The following CPNE4 variants were observed in gnomAD, a reference collection of about 807,000 sequenced individuals.
CPNE4 encodes the protein copine 4, also known as copine-4.
In CPNE4, 25 loss-of-function variants were observed where a neutral mutation model predicts 67.9. The ratio of observed to expected loss-of-function variants is 0.37; its 90% CI spans 0.27 to 0.51. CPNE4 has a LOEUF of 0.51. Among genes scored for constraint, CPNE4 ranks in the 20% least tolerant of loss-of-function variants. CPNE4 has a pLI of 0.93. For synonymous variants in CPNE4, 242 were observed against 244.9 expected, an observed-to-expected ratio of 0.99 and a Z score of 0.11; for missense variants, 464 against 690.8, an observed-to-expected ratio of 0.67 and a Z score of 3.68.
At chr3:131,658,119 T>C (rs114753126) in intron 7 of CPNE4, among the ~76,000 whole-genome samples, 54 of 141,634 alleles carry the variant, frequency 3.8e-4, no homozygotes, top group African/African-American at 1.4e-3. Flanking sequence ...TATTTATTTA[T>C]ATTTTATTTA....
At chr3:131,558,349 AG>A (rs2107655469) in intron 11 of CPNE4, among the ~76,000 whole-genome samples, 1 of 152,178 alleles carries the variant, frequency 6.6e-6, no homozygotes, top group South Asian at 2.1e-4. Context: ...TGAACACAAA[AG>A]AAAGCATCTG....
chr3:131,586,195 G>T (rs372216064), intron 8 of CPNE4, among the ~76,000 whole-genome samples: 9 of 152,188 alleles, frequency 5.9e-5, no homozygotes, highest in African/African-American at 9.6e-5. Context: ...AAAGCACTGA[G>T]CCCTCTGCTT....
chr3:131,770,670 C>G (rs1045447836), intron 2 of CPNE4, among the ~76,000 whole-genome samples: 1 of 152,246 alleles, frequency 6.6e-6, no homozygotes, highest in African/African-American at 2.4e-5. Flanking sequence ...GTGCTTATAA[C>G]CACCTGCTTG....
intron 1 of CPNE4, among the ~76,000 whole-genome samples, chr3:132,005,701 C>G (rs1463088795): frequency 6.6e-6 from 1 of 151,854 alleles, no homozygotes; most frequent in Non-Finnish European, 1.5e-5. Flanking sequence ...TCCACACATA[C>G]CCAAGTTTCC....
At chr3:132,004,365 T>C (rs2073533211) in intron 1 of CPNE4, among the ~76,000 whole-genome samples, 1 of 152,048 alleles carries the variant, frequency 6.6e-6, no homozygotes, top group Non-Finnish European at 1.5e-5. Context: ...AATATTTTGG[T>C]GTATTAATTT....
rs1021452422 is a variant in CPNE4 at position 131,828,216 on chromosome 3, GCA to G, written c.180+77046_180+77047del. Among the ~76,000 whole-genome samples, 48 of 152,036 alleles carry G rather than the reference GCA, an allele frequency of 3.2e-4. 1 individual carries two copies. The highest frequency in any genetic ancestry group is 1.1e-3 in the African/African-American group (47 of 41,458). ...GAGTCTAATTTACCTATAATAAAAG[GCA>G]CAGATTTTAAGAGCACAGTTCAATG... On this transcript the variant is annotated intron_variant, in intron 2 of 15. Coordinates refer to ENST00000429747, the MANE Select transcript of CPNE4 (RefSeq NM_130808.3).
At chr3:131,561,893 A>C (rs1055743856) in intron 11 of CPNE4, among the ~76,000 whole-genome samples, 2 of 152,030 alleles carry the variant, frequency 1.3e-5, no homozygotes, top group Non-Finnish European at 2.9e-5. Context: ...CTTGCAATAC[A>C]CATTCTTCTA....
chr3:131,970,473 G>T (rs2072472624), intron 1 of CPNE4, among the ~76,000 whole-genome samples: 1 of 152,104 alleles, frequency 6.6e-6, no homozygotes, highest in Non-Finnish European at 1.5e-5. Context: ...TTAGAAATTG[G>T]TCTAATCCCA....
intron 2 of CPNE4, among the ~76,000 whole-genome samples, chr3:131,891,645 G>T (rs1355083587): frequency 6.6e-6 from 1 of 151,904 alleles, no homozygotes; most frequent in African/African-American, 2.4e-5. Flanking sequence ...TCATTATTTA[G>T]CTCCCACCTG....
At chr3:131,979,856 G>A (rs1175067723) in intron 1 of CPNE4, among the ~76,000 whole-genome samples, 1 of 151,998 alleles carries the variant, frequency 6.6e-6, no homozygotes, top group African/African-American at 2.4e-5. Flanking sequence ...TTAAGATTTA[G>A]AGCTCTTTTA....
intron 7 of CPNE4, among the ~76,000 whole-genome samples, chr3:131,638,557 A>G (rs977206987): frequency 6.6e-6 from 1 of 152,164 alleles, no homozygotes; most frequent in Non-Finnish European, 1.5e-5. Context: ...AATGAGACAG[A>G]TGGCAACATA....
At chr3:131,548,037 T>C (rs1935969247) in intron 14 of CPNE4, among the ~76,000 whole-genome samples, 1 of 152,168 alleles carries the variant, frequency 6.6e-6, no homozygotes, top group East Asian at 1.9e-4. Flanking sequence ...AAGATGATAA[T>C]GAGATGTATG....
At chr3:131,949,851 T>C (rs1308370863) in intron 1 of CPNE4, among the ~76,000 whole-genome samples, 1 of 152,148 alleles carries the variant, frequency 6.6e-6, no homozygotes, top group East Asian at 1.9e-4. Context: ...TTATTATATG[T>C]CCCTCCATTA....
intron 7 of CPNE4, among the ~76,000 whole-genome samples, chr3:131,609,729 A>G (rs1939721007): frequency 6.6e-6 from 1 of 152,200 alleles, no homozygotes; most frequent in African/African-American, 2.4e-5. Flanking sequence ...TCTAGCCCAC[A>G]TTAGCTAAGA....
At chr3:131,877,258 C>T (rs1394985443) in intron 2 of CPNE4, among the ~76,000 whole-genome samples, 1 of 152,074 alleles carries the variant, frequency 6.6e-6, no homozygotes, top group Admixed American at 6.6e-5. Flanking sequence ...ATTTTTCCTG[C>T]CTAAAATGTC....
In CPNE4 at chr3:131,717,884, T is replaced by C. The variant is rs112269419; in HGVS notation, c.360+5562A>G. Among the ~76,000 whole-genome samples the C allele has an allele frequency of 3.1e-4, 4 of 13,080 alleles. 2 individuals carry two copies. The highest frequency in any genetic ancestry group is 7.0e-4 in the Non-Finnish European group (4 of 5,708). The allele number at this position is 13,080 out of a possible 152,430, so 8.6% of individuals were successfully genotyped here. A position where few individuals can be genotyped will look rare whatever the true frequency, so the allele number is the denominator to read the frequency against. On this transcript the variant is annotated intron_variant, in intron 3 of 15. Coordinates refer to ENST00000429747, the MANE Select transcript of CPNE4 (RefSeq NM_130808.3). The stretch of plus-strand genomic sequence containing the variant: ...TCCTTTCTTTCTTTCTTTTCTTTCT[T>C]TCTTTCTTTCTTTCTTTCTTTCTTT...
At chr3:131,813,267 G>A (rs2084604342) in intron 2 of CPNE4, among the ~76,000 whole-genome samples, 1 of 151,442 alleles carries the variant, frequency 6.6e-6, no homozygotes, top group Admixed American at 6.6e-5. Context: ...ATAAATTGAA[G>A]TTTGTAAAAT....
At position 131,535,977 on chromosome 3, in the gene CPNE4, G is replaced by A. The variant is rs188826825; in HGVS notation, c.1540-648C>T. ...CTTATCTTGGAGGCTTCTAAGAGGA[G>A]GTGGCTTTTAAGCTGAGCATATTTT... On this transcript the variant is annotated intron_variant, in intron 15 of 15. Coordinates refer to ENST00000429747, the MANE Select transcript of CPNE4 (RefSeq NM_130808.3). 1.2e-4 allele frequency among the ~76,000 whole-genome samples: 18 copies of A among 152,304 alleles called. No individual in the cohort carries two copies. In the East Asian group the frequency reaches 3.5e-3, roughly 29 times the overall value.
At chr3:131,982,362 A>C (rs1198240889) in intron 1 of CPNE4, among the ~76,000 whole-genome samples, 1 of 152,238 alleles carries the variant, frequency 6.6e-6, no homozygotes, top group Non-Finnish European at 1.5e-5. Context: ...AGAATTCTTA[A>C]GAGCCCAATT....
Sources: gnomAD v4.1 joint callset for allele counts (sites outside exome capture counted in the v4.1 genomes callset) on GRCh38, gnomAD v4.1.1 for gene constraint, MANE v1.5 for transcripts, NCBI Gene and HGNC (gene_info 2026-07-23, HGNC 2026-07-21) for gene names.